The following ALLC variants were observed in gnomAD, a reference collection of about 807,000 sequenced individuals.
The protein encoded by ALLC is probable inactive allantoicase.
ALLC carries 40 observed loss-of-function variants against 45.0 expected under a neutral mutation model. The observed-to-expected ratio is 0.89, with a 90% CI of 0.69 to 1.16. The LOEUF is 1.16. ALLC is among the 50% of genes most tolerant of loss of function. The pLI, the probability that ALLC is intolerant of heterozygous loss-of-function variation, is 0.00. For synonymous variants in ALLC, 176 were observed against 178.1 expected (o/e 0.99, Z 0.09); for missense variants, 488 against 493.1 (o/e 0.99, Z 0.10).
intron 7 of ALLC, chr2:3,688,100 C>A: frequency 1.3e-5 from 2 of 154,104 alleles, no homozygotes; most frequent in South Asian, 1.8e-4. Flanking sequence ...AATGCCAGCC[C>A]CAGCATCAAA....
intron 1 of ALLC, among the ~76,000 whole-genome samples, chr2:3,659,652 A>G (rs6757086): frequency 0.042 from 6,437 of 152,236 alleles, 465 homozygotes; most frequent in African/African-American, 0.14. Context: ...TGGCTATTTT[A>G]TCAACAGAAA....
At chr2:3,666,594 T>C (rs1056160285) in intron 1 of ALLC, among the ~76,000 whole-genome samples, 12 of 152,178 alleles carry the variant, frequency 7.9e-5, no homozygotes, top group Non-Finnish European at 1.5e-4. Context: ...ATAATAAATA[T>C]ATATGCCCAG....
intron 10 of ALLC, among the ~76,000 whole-genome samples, chr2:3,701,161 C>T (rs1455512162): frequency 3.9e-5 from 6 of 152,198 alleles, no homozygotes; most frequent in Non-Finnish European, 7.3e-5. Context: ...TTCAGATGAG[C>T]CACATAGCAG....
chr2:3,647,556 CG>C, the ALLC span, among the ~76,000 whole-genome samples: 10 of 148,912 alleles, frequency 6.7e-5, no homozygotes, highest in African/African-American at 2.2e-4. Flanking sequence ...CCCTGGGGGT[CG>C]CTCACCCATC....
chr2:3,661,068 G>A (rs923375593), intron 1 of ALLC, among the ~76,000 whole-genome samples: 2 of 152,088 alleles, frequency 1.3e-5, no homozygotes, highest in East Asian at 3.9e-4. Flanking sequence ...CATAGGCCTG[G>A]GGTCGGACTC....
intron 1 of ALLC, among the ~76,000 whole-genome samples, chr2:3,663,874 CTTCTG>C (rs1473877867): frequency 1.1e-4 from 16 of 152,372 alleles, no homozygotes; most frequent in South Asian, 6.2e-4. Context: ...TGGAAAATCT[CTTCTG>C]TTCTGTTCAG....
intron 4 of ALLC, among the ~76,000 whole-genome samples, chr2:3,678,939 A>T (rs1422820781): frequency 6.6e-6 from 1 of 152,184 alleles, no homozygotes; most frequent in Non-Finnish European, 1.5e-5. Flanking sequence ...ATGGAAACAG[A>T]TTCCTGGACT....
intron 7 of ALLC, among the ~76,000 whole-genome samples, chr2:3,685,054 T>A (rs1003931451): frequency 2.2e-4 from 34 of 152,174 alleles, no homozygotes; most frequent in African/African-American, 8.0e-4. Context: ...AATATATTGA[T>A]TTACTTTCTT....
Position 3,702,662 on chromosome 2 carries a change from G to A in ALLC, c.*99G>A, listed in dbSNP as rs1667896678. On this transcript the variant is annotated 3_prime_UTR_variant, in exon 12 of 12. Coordinates refer to ENST00000252505, the MANE Select transcript of ALLC (RefSeq NM_018436.4). ...CACCTGGTGATTTAATAAAGTGGTC[G>A]TCTCACAAATTGATCTCTGTATTTA... The A allele has an allele frequency of 4.6e-6, 6 of 1,294,904 alleles. No individual in the cohort carries two copies. Among genetic ancestry groups the A allele is most frequent in the South Asian group, 1.6e-5 (1 of 61,146 alleles). The allele number at this position is 1,294,904 out of a possible 1,614,324, so 80.2% of individuals were successfully genotyped here. A position where few individuals can be genotyped will look rare whatever the true frequency, so the allele number is the denominator to read the frequency against.
At position 3,671,174 on chromosome 2, in the gene ALLC, A is replaced by T; in HGVS notation, c.17A>T (p.Glu6Val). Residue 6 changes from glutamate to valine, a missense_variant, in exon 2 of 12, where the codon GAA (glutamate) becomes GTA (valine). Coordinates refer to ENST00000252505, the MANE Select transcript of ALLC (RefSeq NM_018436.4). ...ACCCAGCTGATGGACATGGCATCTG[A>T]ATCCGTAGGAGGAAAAGTAAGTGGG... MDMASESVGGKILFAT... is the reference protein window; with the variant it reads MDMASVSVGGKILFAT... The T allele has an allele frequency of 6.2e-7, 1 of 1,611,664 alleles. No homozygotes were observed. The highest frequency in any genetic ancestry group is 1.1e-5 in the South Asian group (1 of 90,058).
chr2:3,669,979 T>C (rs1343514431), intron 1 of ALLC, among the ~76,000 whole-genome samples: 1 of 152,154 alleles, frequency 6.6e-6, no homozygotes, highest in Admixed American at 6.5e-5. Context: ...TTAGGAGCAA[T>C]GACTCTGGTT....
chr2:3,669,999 AG>A (rs1666823181), intron 1 of ALLC, among the ~76,000 whole-genome samples: 1 of 152,180 alleles, frequency 6.6e-6, no homozygotes, highest in African/African-American at 2.4e-5. Flanking sequence ...TGACATCACC[AG>A]GGGATGAGGG....
chr2:3,684,273 A>T (rs1241319668), intron 7 of ALLC, among the ~76,000 whole-genome samples: 2 of 152,218 alleles, frequency 1.3e-5, no homozygotes, highest in Non-Finnish European at 2.9e-5. Flanking sequence ...TTTTGTTTAT[A>T]GTCATCCTAG....
intron 2 of ALLC, among the ~76,000 whole-genome samples, chr2:3,673,613 C>A (rs1666948914): frequency 6.6e-6 from 1 of 152,206 alleles, no homozygotes; most frequent in Non-Finnish European, 1.5e-5. Flanking sequence ...TCATTGACCT[C>A]ACTCTCAAAA....
Position 3,696,396 on chromosome 2 carries a change from T to G in ALLC, c.741+48T>G, listed in dbSNP as rs772418538. Reference sequence around the variant, plus strand: ...GGTTTAAAGTTTTTCTTAAAAGTATTTTTTGGAACTTTTTCTTTTAAATAA... The same window carrying G: ...GGTTTAAAGTTTTTCTTAAAAGTATGTTTTGGAACTTTTTCTTTTAAATAA... On this transcript the variant is annotated intron_variant, in intron 9 of 11. Transcript: ENST00000252505. 5 of 1,480,062 alleles carry G rather than the reference T, an allele frequency of 3.4e-6. No homozygotes were observed. In the Admixed American group the frequency reaches 8.2e-5, roughly 24 times the overall value. The allele number at this position is 1,480,062 out of a possible 1,614,324, so 91.7% of individuals were successfully genotyped here.
chr2:3,689,134 A>C (rs928253274), intron 7 of ALLC, among the ~76,000 whole-genome samples: 1 of 150,770 alleles, frequency 6.6e-6, no homozygotes, highest in Non-Finnish European at 1.5e-5. Context: ...AGTCTAGCTA[A>C]AGGTCCATCA....
At chr2:3,654,350 C>CA (rs1558530148), upstream of ALLC, among the ~76,000 whole-genome samples, 3 of 152,264 alleles carry the variant, frequency 2.0e-5, no homozygotes, top group South Asian at 6.2e-4. Context: ...GCAACGGCTG[C>CA]AGTGGCTTTG....
chr2:3,652,205 A>G, the ALLC span, among the ~76,000 whole-genome samples: 2 of 152,210 alleles, frequency 1.3e-5, no homozygotes, highest in South Asian at 2.1e-4. Context: ...GGCTGCCAGC[A>G]GCAGGTGCGG....
the ALLC span, among the ~76,000 whole-genome samples, chr2:3,646,551 G>A: frequency 6.6e-6 from 1 of 152,324 alleles, no homozygotes; most frequent in East Asian, 1.9e-4. Context: ...GGGAAGAGGA[G>A]CACCTTGTCT....
Sources: gnomAD v4.1 joint callset for allele counts (sites outside exome capture counted in the v4.1 genomes callset) on GRCh38, gnomAD v4.1.1 for gene constraint, MANE v1.5 for transcripts, NCBI Gene and HGNC (gene_info 2026-07-23, HGNC 2026-07-21) for gene names.